Variants in FMN1 observed in about 807,000 individuals in gnomAD.
FMN1 encodes formin 1.
Under a neutral mutation model 132.4 loss-of-function variants are expected in FMN1, and 110 were observed. That is an observed-to-expected ratio of 0.83 (90% confidence interval 0.71 to 0.97). The LOEUF (loss-of-function observed/expected upper bound fraction) is 0.97. Ranked by LOEUF, FMN1 falls within the 50% of genes least tolerant of loss-of-function variation. The pLI, the probability that FMN1 is intolerant of heterozygous loss-of-function variation, is 0.00. For missense variants in FMN1, 1,792 were observed against 1,705.3 expected, an observed-to-expected ratio of 1.05 and a Z score of -0.90; for synonymous variants, 722 against 651.7, an observed-to-expected ratio of 1.11 and a Z score of -1.64.
intron 4 of FMN1, among the ~76,000 whole-genome samples, chr15:33,128,713 G>A (rs901997146): frequency 2.0e-5 from 3 of 151,728 alleles, no homozygotes; most frequent in Non-Finnish European, 4.4e-5. Context: ...GACCCTCACG[G>A]TAAGTGTGAC....
intron 6 of FMN1, among the ~76,000 whole-genome samples, chr15:33,033,669 G>GT (rs59822207): frequency 0.35 from 19,833 of 57,350 alleles, 1,486 homozygotes; most frequent in Middle Eastern, 0.49. Flanking sequence ...CTACCTCATG[G>GT]TTTTTTTTTT....
intron 9 of FMN1, among the ~76,000 whole-genome samples, chr15:32,927,594 A>T (rs1223858849): frequency 6.6e-6 from 1 of 152,186 alleles, no homozygotes; most frequent in Non-Finnish European, 1.5e-5. Flanking sequence ...GTATTTTTAC[A>T]ATCTTCATAG....
chr15:32,875,328 C>G (rs1451890), intron 16 of FMN1, among the ~76,000 whole-genome samples: 1 of 151,996 alleles, frequency 6.6e-6, no homozygotes, highest in Admixed American at 6.5e-5. Context: ...CTTTCACCAT[C>G]TACAGGAAAG....
intron 10 of FMN1, among the ~76,000 whole-genome samples, chr15:32,920,162 C>T (rs1488720681): frequency 6.6e-6 from 1 of 152,116 alleles, no homozygotes; most frequent in Non-Finnish European, 1.5e-5. Context: ...GAATAGTCAA[C>T]AGCAATTTTC....
chr15:32,964,384 G>A (rs1347012881), intron 8 of FMN1, 127 bp from the exon 9 acceptor site: 1 of 688,392 alleles, frequency 1.5e-6, no homozygotes, highest in African/African-American at 1.8e-5. Flanking sequence ...CTCTAATAAT[G>A]CTTGGAGAAA....
intron 9 of FMN1, among the ~76,000 whole-genome samples, chr15:32,938,786 C>T (rs1027399929): frequency 3.9e-5 from 6 of 152,112 alleles, no homozygotes; most frequent in Non-Finnish European, 8.8e-5. Flanking sequence ...GGCTGAAAAA[C>T]AGGTGAAATG....
At chr15:32,778,267 A>G (rs914459663) in intron 19 of FMN1, among the ~76,000 whole-genome samples, 5 of 143,936 alleles carry the variant, frequency 3.5e-5, no homozygotes, top group Non-Finnish European at 3.0e-5. Flanking sequence ...TAATATAGAA[A>G]TATATATTTT....
intron 4 of FMN1, among the ~76,000 whole-genome samples, chr15:33,137,574 T>G (rs1019785738): frequency 4.6e-5 from 7 of 152,238 alleles, no homozygotes; most frequent in Admixed American, 1.3e-4. Flanking sequence ...TCCACATTTC[T>G]TCCCAGGAGA....
chr15:33,186,895 T>A (rs2140354236), intron 2 of FMN1, among the ~76,000 whole-genome samples: 1 of 152,320 alleles, frequency 6.6e-6, no homozygotes, highest in East Asian at 1.9e-4. Context: ...TACTGCGACT[T>A]AACTCCAGTG....
intron 19 of FMN1, among the ~76,000 whole-genome samples, chr15:32,789,757 G>A (rs1036182682): frequency 2.2e-4 from 34 of 152,126 alleles, no homozygotes; most frequent in Admixed American, 1.2e-3. Flanking sequence ...ATGGTTAAGC[G>A]CCCTACACAG....
chr15:32,926,790 TA>T (rs2060972888), intron 9 of FMN1, among the ~76,000 whole-genome samples: 1 of 152,196 alleles, frequency 6.6e-6, no homozygotes, highest in African/African-American at 2.4e-5. Context: ...ATATTTAGTC[TA>T]TATTTTATTT....
chr15:32,951,664 T>A (rs2061656652), intron 9 of FMN1, among the ~76,000 whole-genome samples: 1 of 152,228 alleles, frequency 6.6e-6, no homozygotes, highest in Non-Finnish European at 1.5e-5. Flanking sequence ...GCACCATTGA[T>A]GTGCCAAGCC....
At chr15:33,056,857 G>A in intron 6 of FMN1, among the ~76,000 whole-genome samples, 1 of 152,170 alleles carries the variant, frequency 6.6e-6, no homozygotes, top group Non-Finnish European at 1.5e-5. Context: ...GACACAAAAT[G>A]AGTTAATTTA....
At chr15:33,115,498 C>A (rs79776707) in intron 4 of FMN1, among the ~76,000 whole-genome samples, 66,104 of 144,440 alleles carry the variant, frequency 0.46, 16,300 homozygotes, top group East Asian at 0.75. Flanking sequence ...TAAGCCCCCC[C>A]CCCCCACACA....
At chr15:32,938,955 A>T (rs2061340611) in intron 9 of FMN1, among the ~76,000 whole-genome samples, 1 of 152,230 alleles carries the variant, frequency 6.6e-6, no homozygotes, top group Non-Finnish European at 1.5e-5. Context: ...TAAGACGAAA[A>T]AAGATTTACA....
At chr15:32,944,318 T>C (rs574372227) in intron 9 of FMN1, among the ~76,000 whole-genome samples, 7 of 152,312 alleles carry the variant, frequency 4.6e-5, no homozygotes, top group East Asian at 3.9e-4. Context: ...TGTAGTGCCA[T>C]ATTATGCAAT....
intron 7 of FMN1, among the ~76,000 whole-genome samples, chr15:32,987,932 T>G (rs1421466794): frequency 6.6e-6 from 1 of 152,090 alleles, no homozygotes; most frequent in Non-Finnish European, 1.5e-5. Flanking sequence ...CTAGCAACAG[T>G]CACAGTTTCT....
At chr15:33,087,167 T>A (rs1212397188) in intron 5 of FMN1, among the ~76,000 whole-genome samples, 2 of 152,258 alleles carry the variant, frequency 1.3e-5, no homozygotes, top group African/African-American at 4.8e-5. Flanking sequence ...CCAGGCCATC[T>A]AAATGTGGAA....
chr15:33,166,126 T>C (rs1305090456), intron 3 of FMN1, among the ~76,000 whole-genome samples: 2 of 152,290 alleles, frequency 1.3e-5, no homozygotes, highest in East Asian at 3.9e-4. Flanking sequence ...ACCACCATCA[T>C]GTGAGGCAGA....
Sources: allele counts gnomAD v4.1 joint callset (sites outside exome capture counted in the v4.1 genomes callset), GRCh38; gene constraint gnomAD v4.1.1; transcripts MANE v1.5; gene names NCBI Gene and HGNC (gene_info 2026-07-23, HGNC 2026-07-21).